Variants in ENOX1 observed in about 807,000 individuals in gnomAD.
ENOX1 encodes candidate growth-related and time keeping constitutive hydroquinone (NADH) oxidase.
Under a neutral mutation model 82.5 loss-of-function variants are expected in ENOX1, and 42 were observed. The ratio of observed to expected loss-of-function variants is 0.51; its 90% CI spans 0.40 to 0.66. The LOEUF (loss-of-function observed/expected upper bound fraction) is 0.66, where lower values mean the gene tolerates loss of function less well. ENOX1 is among the 30% of genes least tolerant of loss of function. The probability of loss-of-function intolerance (pLI) is 0.00; values close to 1 mark genes in which losing one functional copy is unlikely to be tolerated. For synonymous variants in ENOX1, 271 were observed against 282.2 expected, an observed-to-expected ratio of 0.96 and a Z score of 0.40; for missense variants, 608 against 811.6, an observed-to-expected ratio of 0.75 and a Z score of 3.05.
At chr13:43,585,878 AGTTTT>A (rs1566579203) in intron 2 of ENOX1, among the ~76,000 whole-genome samples, 1 of 152,210 alleles carries the variant, frequency 6.6e-6, no homozygotes, top group Non-Finnish European at 1.5e-5. Flanking sequence ...CACCTGGCCA[AGTTTT>A]GTTTTATTTT....
intron 16 of ENOX1, among the ~76,000 whole-genome samples, chr13:43,220,403 A>G (rs1340793594): frequency 6.6e-6 from 1 of 152,184 alleles, no homozygotes. Flanking sequence ...ACCCTTCTCT[A>G]ACTCCTAGTT....
chr13:43,344,081 T>C (rs2049227779), intron 9 of ENOX1, among the ~76,000 whole-genome samples: 1 of 152,214 alleles, frequency 6.6e-6, no homozygotes. Context: ...CTCCCCCAGA[T>C]AAAAGATCCT....
intron 1 of ENOX1, among the ~76,000 whole-genome samples, chr13:43,748,602 C>T (rs1483390745): frequency 1.3e-5 from 2 of 152,140 alleles, no homozygotes; most frequent in Non-Finnish European, 2.9e-5. Flanking sequence ...TTGGGCAAGT[C>T]GGTAAACCCA....
At chr13:43,359,753 A>C in intron 7 of ENOX1, 98 bp downstream of exon 7, 1 of 1,164,828 alleles carries the variant, frequency 8.6e-7, no homozygotes, top group Non-Finnish European at 1.2e-6. Flanking sequence ...CAAACTATGA[A>C]GACTTTATTT....
intron 8 of ENOX1, among the ~76,000 whole-genome samples, chr13:43,353,267 C>T (rs117270062): frequency 9.9e-4 from 151 of 152,254 alleles, no homozygotes; most frequent in Non-Finnish European, 1.7e-3. Context: ...TTGGACAGGA[C>T]ATGGAGAGGG....
chr13:43,405,566 A>G (rs992565353), intron 5 of ENOX1, among the ~76,000 whole-genome samples: 4 of 152,212 alleles, frequency 2.6e-5, no homozygotes, highest in East Asian at 3.9e-4. Context: ...AAATGGCTCT[A>G]TGGTTAACCC....
chr13:43,439,663 G>A (rs949460832), intron 3 of ENOX1, among the ~76,000 whole-genome samples: 5 of 44,516 alleles, frequency 1.1e-4, no homozygotes, highest in Non-Finnish European at 2.4e-4. Context: ...ATAGCAACTC[G>A]TTCTTTAACA....
chr13:43,754,673 C>T (rs1198996302), intron 1 of ENOX1, among the ~76,000 whole-genome samples: 4 of 151,986 alleles, frequency 2.6e-5, no homozygotes, highest in African/African-American at 9.7e-5. Context: ...CAGCCTCAAA[C>T]TCCTGGGCTC....
chr13:43,448,384 T>C (rs2056774309), intron 3 of ENOX1, among the ~76,000 whole-genome samples: 1 of 152,220 alleles, frequency 6.6e-6, no homozygotes, highest in South Asian at 2.1e-4. Context: ...TTAAAAAAAC[T>C]TCAAACGGCA....
At chr13:43,777,011 G>T (rs1404939991) in intron 1 of ENOX1, among the ~76,000 whole-genome samples, 1 of 152,244 alleles carries the variant, frequency 6.6e-6, no homozygotes, top group Non-Finnish European at 1.5e-5. Context: ...GAGGAGGATA[G>T]AAATGCTGGT....
At chr13:43,401,381 C>T (rs538701118) in intron 5 of ENOX1, among the ~76,000 whole-genome samples, 17 of 152,220 alleles carry the variant, frequency 1.1e-4, no homozygotes, top group East Asian at 3.9e-4. Flanking sequence ...CATTGAGAGA[C>T]GGGAAATAAA....
chr13:43,697,751 T>C (rs1487001013), intron 1 of ENOX1, among the ~76,000 whole-genome samples: 2 of 152,208 alleles, frequency 1.3e-5, no homozygotes, highest in East Asian at 3.9e-4. Context: ...GCTGGAAGGA[T>C]ACAGGATGGT....
chr13:43,229,763 G>C lies in ENOX1; in HGVS notation c.1715-5625C>G, dbSNP rs758757705. ...AGCGGACTCCAAAGGGAGAGCCAGG[G>C]GGCTGGTGTGAGCAGTGAGGCTGGG... On this transcript the variant is annotated intron_variant, in intron 15 of 16. Coordinates refer to ENST00000690772, the MANE Select transcript of ENOX1 (RefSeq NM_001347969.2). 2.6e-5 allele frequency among the ~76,000 whole-genome samples: 4 copies of C among 152,168 alleles called. No individual in the cohort carries two copies. The South Asian group carries it at 8.3e-4, about 32-fold the overall frequency.
chr13:43,360,987 T>C (rs926056167), intron 6 of ENOX1, among the ~76,000 whole-genome samples: 1 of 152,238 alleles, frequency 6.6e-6, no homozygotes, highest in African/African-American at 2.4e-5. Context: ...TATTTCACAC[T>C]GTGTTCTCCG....
At chr13:43,598,883 C>T (rs903798951) in intron 2 of ENOX1, among the ~76,000 whole-genome samples, 3 of 152,110 alleles carry the variant, frequency 2.0e-5, no homozygotes, top group African/African-American at 7.2e-5. Context: ...GCAGAGGAAA[C>T]ATGTTATTCT....
chr13:43,375,325 C>A (rs775100965), intron 5 of ENOX1, among the ~76,000 whole-genome samples: 1 of 152,052 alleles, frequency 6.6e-6, no homozygotes, highest in Non-Finnish European at 1.5e-5. Flanking sequence ...GCTTGCAATC[C>A]ATGGTTCTCA....
At chr13:43,485,648 G>A (rs1360139599) in intron 2 of ENOX1, among the ~76,000 whole-genome samples, 3 of 152,174 alleles carry the variant, frequency 2.0e-5, no homozygotes, top group Admixed American at 6.5e-5. Flanking sequence ...ACAGAAGAAA[G>A]GTGAGCTTGA....
At chr13:43,778,207 CCTTAT>C (rs1566916262) in intron 1 of ENOX1, among the ~76,000 whole-genome samples, 1 of 152,226 alleles carries the variant, frequency 6.6e-6, no homozygotes, top group Non-Finnish European at 1.5e-5. Flanking sequence ...TAGAAGCCTG[CCTTAT>C]CTTATTTCAT....
chr13:43,325,968 T>C (rs2048088545), intron 10 of ENOX1, among the ~76,000 whole-genome samples: 1 of 152,090 alleles, frequency 6.6e-6, no homozygotes, highest in African/African-American at 2.4e-5. Context: ...TAGGACTTAA[T>C]GGCTAGCATA....
Sources: gnomAD v4.1 joint callset for allele counts (sites outside exome capture counted in the v4.1 genomes callset) on GRCh38, gnomAD v4.1.1 for gene constraint, MANE v1.5 for transcripts, NCBI Gene and HGNC (gene_info 2026-07-23, HGNC 2026-07-21) for gene names.